C2orf76: variants seen among roughly 807,000 people sequenced by gnomAD.
C2orf76 encodes chromosome 2 open reading frame 76.
Under a neutral mutation model 16.9 loss-of-function variants are expected in C2orf76, and 23 were observed. The observed-to-expected ratio is 1.36, with a 90% CI of 0.98 to 1.93. C2orf76 has a LOEUF of 1.93. Ranked by LOEUF, C2orf76 falls within the 30% of genes most tolerant of loss-of-function variation. The probability of loss-of-function intolerance (pLI) is 0.00; values close to 1 mark genes in which losing one functional copy is unlikely to be tolerated. For synonymous variants in C2orf76, 48 were observed against 52.3 expected (o/e 0.92, Z 0.35); for missense variants, 152 against 152.6 (o/e 1.00, Z 0.02).
At chr2:119,318,381 A>G (rs67218267) in intron 3 of C2orf76, among the ~76,000 whole-genome samples, 47,629 of 152,124 alleles carry the variant, frequency 0.31, 7,919 homozygotes, top group Non-Finnish European at 0.38. Flanking sequence ...AAGGAATTCC[A>G]ACAGTGACAG....
chr2:119,353,097 C>T (rs1680456140), intron 1 of C2orf76, among the ~76,000 whole-genome samples: 1 of 151,922 alleles, frequency 6.6e-6, no homozygotes, highest in Non-Finnish European at 1.5e-5. Context: ...CTGAAACTGC[C>T]CTTAATGATT....
chr2:119,286,136 G>A, the C2orf76 span, among the ~76,000 whole-genome samples: 1 of 146,134 alleles, frequency 6.8e-6, no homozygotes, highest in Non-Finnish European at 1.5e-5. Flanking sequence ...TAAGACAGGA[G>A]AATTGCTTGA....
chr2:119,315,223 G>A (rs183786691), intron 4 of C2orf76, among the ~76,000 whole-genome samples: 1 of 152,176 alleles, frequency 6.6e-6, no homozygotes, highest in Non-Finnish European at 1.5e-5. Flanking sequence ...GGAGGCTCGG[G>A]TGGGAAGGTA....
chr2:119,359,712 A>G (rs1216602037), intron 1 of C2orf76, among the ~76,000 whole-genome samples: 3 of 152,062 alleles, frequency 2.0e-5, no homozygotes, highest in Non-Finnish European at 2.9e-5. Context: ...CTGCAATCTC[A>G]TAATAAAATG....
At chr2:119,359,198 T>C (rs1354257756) in intron 1 of C2orf76, among the ~76,000 whole-genome samples, 1 of 152,192 alleles carries the variant, frequency 6.6e-6, no homozygotes, top group Non-Finnish European at 1.5e-5. Flanking sequence ...CATCGTTTAT[T>C]AAATATTTTA....
At chr2:119,299,352 A>G (rs1678582679), downstream of C2orf76, among the ~76,000 whole-genome samples, 1 of 152,272 alleles carries the variant, frequency 6.6e-6, no homozygotes, top group Admixed American at 6.5e-5. Context: ...CAAGAATATC[A>G]TCAAATGCCT....
chr2:119,294,725 G>A, the C2orf76 span, among the ~76,000 whole-genome samples: 26 of 152,282 alleles, frequency 1.7e-4, no homozygotes, highest in African/African-American at 4.1e-4. Context: ...GCAGGGCAGC[G>A]TGAGGACCTG....
downstream of C2orf76, among the ~76,000 whole-genome samples, chr2:119,297,510 T>G (rs568356827): frequency 2.0e-5 from 3 of 152,312 alleles, no homozygotes; most frequent in East Asian, 5.8e-4. Flanking sequence ...TTCAGAATTT[T>G]GTTGTTGTTG....
At chr2:119,346,211 G>A (rs1310338243) in intron 1 of C2orf76, among the ~76,000 whole-genome samples, 1 of 152,114 alleles carries the variant, frequency 6.6e-6, no homozygotes, top group Non-Finnish European at 1.5e-5. Context: ...GTACTAGCCA[G>A]TCTGAAAAAG....
At chr2:119,326,471 G>A (rs1213075990) in intron 2 of C2orf76, among the ~76,000 whole-genome samples, 2 of 152,104 alleles carry the variant, frequency 1.3e-5, no homozygotes, top group Non-Finnish European at 1.5e-5. Flanking sequence ...TAGTTTTATA[G>A]CAGTAAGTCA....
chr2:119,322,170 G>T (rs1222081666), intron 2 of C2orf76, among the ~76,000 whole-genome samples: 1 of 151,868 alleles, frequency 6.6e-6, no homozygotes, highest in East Asian at 1.9e-4. Context: ...CCTTGACCTA[G>T]CCATTCCACT....
At chr2:119,330,111 C>T (rs1679625740) in intron 2 of C2orf76, among the ~76,000 whole-genome samples, 2 of 152,152 alleles carry the variant, frequency 1.3e-5, no homozygotes, top group South Asian at 2.1e-4. Context: ...CAGTGGCTCA[C>T]ATCTGTAATC....
intron 1 of C2orf76, among the ~76,000 whole-genome samples, chr2:119,361,558 T>C (rs546903719): frequency 6.6e-5 from 10 of 152,306 alleles, no homozygotes; most frequent in African/African-American, 2.4e-4. Context: ...TCTAGTATTA[T>C]AAGTAACCTA....
chr2:119,283,143 A>G, the C2orf76 span, among the ~76,000 whole-genome samples: 1 of 152,224 alleles, frequency 6.6e-6, no homozygotes, highest in Non-Finnish European at 1.5e-5. Flanking sequence ...CCTGAGAGAC[A>G]CTGGTGAACA....
At chr2:119,315,382 GAA>G (rs1404334005) in intron 4 of C2orf76, among the ~76,000 whole-genome samples, 5 of 152,168 alleles carry the variant, frequency 3.3e-5, no homozygotes, top group African/African-American at 1.2e-4. Flanking sequence ...GAATTATTTA[GAA>G]GTCTCTCCTT....
chr2:119,361,572 ATTAT>A (rs1680745671), intron 1 of C2orf76, among the ~76,000 whole-genome samples: 1 of 152,202 alleles, frequency 6.6e-6, no homozygotes, highest in Non-Finnish European at 1.5e-5. Context: ...TAACCTAGAG[ATTAT>A]TTAAAGTATA....
chr2:119,301,483 C>T (rs933787876), downstream of C2orf76, among the ~76,000 whole-genome samples: 11 of 151,816 alleles, frequency 7.2e-5, no homozygotes, highest in Admixed American at 2.6e-4. Flanking sequence ...ATGGCAGAGC[C>T]GGCTAAGCCC....
At chr2:119,293,043 A>G in the C2orf76 span, among the ~76,000 whole-genome samples, 1 of 152,212 alleles carries the variant, frequency 6.6e-6, no homozygotes, top group African/African-American at 2.4e-5. Context: ...TCAAAACAAA[A>G]CAAAACAAAA....
rs774152418 is a variant in C2orf76 at position 119,362,336 on chromosome 2, T to C, written c.-13+4454A>G. 6.1e-4 allele frequency among the ~76,000 whole-genome samples: 93 copies of C among 152,222 alleles called. 6 individuals are homozygous for C. The highest frequency in any genetic ancestry group is 5.9e-5 in the Non-Finnish European group (4 of 68,028). On this transcript the variant is annotated intron_variant, in intron 1 of 5. Transcript: ENST00000334816. ...GTAGTCAAAAGTTACACACAGATTT[T>C]TGACTGTGTGGAAGGTCAGTGCCCC...
Sources: allele counts gnomAD v4.1 joint callset (sites outside exome capture counted in the v4.1 genomes callset), GRCh38; gene constraint gnomAD v4.1.1; transcripts MANE v1.5; gene names NCBI Gene and HGNC (gene_info 2026-07-23, HGNC 2026-07-21).